SYT14: variants seen among roughly 807,000 people sequenced by gnomAD.
SYT14 encodes synaptotagmin 14, also known as synaptotagmin-14.
A neutral mutation model predicts 74.2 loss-of-function variants in SYT14; 32 were observed. That is an observed-to-expected ratio of 0.43 (90% confidence interval 0.33 to 0.58). The LOEUF (loss-of-function observed/expected upper bound fraction) is 0.58, where lower values mean the gene tolerates loss of function less well. SYT14 is among the 20% of genes least tolerant of loss of function. The pLI, the probability that SYT14 is intolerant of heterozygous loss-of-function variation, is 0.05. For synonymous variants in SYT14, 298 were observed against 337.7 expected, an observed-to-expected ratio of 0.88 and a Z score of 1.29; for missense variants, 791 against 981.8, an observed-to-expected ratio of 0.81 and a Z score of 2.60.
At chr1:210,098,783 C>T (rs556532825) in intron 6 of SYT14, among the ~76,000 whole-genome samples, 1 of 151,912 alleles carries the variant, frequency 6.6e-6, no homozygotes, top group South Asian at 2.1e-4. Context: ...CTGGCTCAAG[C>T]GATTCTCCTG....
chr1:210,018,203 G>A (rs547385596), intron 4 of SYT14, among the ~76,000 whole-genome samples: 1 of 152,252 alleles, frequency 6.6e-6, no homozygotes, highest in South Asian at 2.1e-4. Flanking sequence ...GTGCAATCTC[G>A]GCTCACTGCC....
At chr1:210,110,409 T>C (rs2082239866) in intron 7 of SYT14, among the ~76,000 whole-genome samples, 1 of 152,216 alleles carries the variant, frequency 6.6e-6, no homozygotes, top group Admixed American at 6.5e-5. Context: ...AAAATAGTTA[T>C]TCTTTTCCAC....
At chr1:210,142,418 C>T (rs1050206302) in intron 7 of SYT14, among the ~76,000 whole-genome samples, 2 of 152,092 alleles carry the variant, frequency 1.3e-5, no homozygotes, top group African/African-American at 4.8e-5. Flanking sequence ...TGCCAGTGTT[C>T]ATGTTGCTTT....
intron 2 of SYT14, among the ~76,000 whole-genome samples, chr1:210,000,475 C>G (rs937145147): frequency 1.3e-5 from 2 of 149,300 alleles, no homozygotes; most frequent in African/African-American, 5.1e-5. Flanking sequence ...CGCACACACA[C>G]ACACACACAC....
intron 5 of SYT14, among the ~76,000 whole-genome samples, chr1:210,030,919 TTTG>T (rs904593239): frequency 1.5e-5 from 1 of 66,520 alleles, no homozygotes; most frequent in Non-Finnish European, 4.3e-5. Flanking sequence ...TTTGTTTTGT[TTTG>T]TTTTGTTTTG....
intron 5 of SYT14, among the ~76,000 whole-genome samples, chr1:210,080,834 G>A (rs1412361242): frequency 6.6e-6 from 1 of 152,234 alleles, no homozygotes. Flanking sequence ...TGCATGCATA[G>A]ATGGATGTGT....
At chr1:209,952,815 A>G in intron 2 of SYT14, 59 bp downstream of exon 2, 1 of 1,467,888 alleles carries the variant, frequency 6.8e-7, no homozygotes, top group East Asian at 2.3e-5. Context: ...AAAGTGTATA[A>G]TAGATTTTAG....
At chr1:209,950,250 G>T (rs1422239303) in intron 1 of SYT14, among the ~76,000 whole-genome samples, 1 of 152,058 alleles carries the variant, frequency 6.6e-6, no homozygotes, top group African/African-American at 2.4e-5. Context: ...AATATGTATG[G>T]AGAATATTTC....
At chr1:209,938,684 C>T (rs1275407988) in intron 1 of SYT14, among the ~76,000 whole-genome samples, 2 of 152,100 alleles carry the variant, frequency 1.3e-5, no homozygotes, top group Non-Finnish European at 2.9e-5. Context: ...CTTTTCTTTC[C>T]CCGGCCGCGG....
At chr1:210,092,420 G>A (rs1377429588) in intron 5 of SYT14, among the ~76,000 whole-genome samples, 5 of 152,304 alleles carry the variant, frequency 3.3e-5, no homozygotes, top group South Asian at 4.1e-4. Context: ...AACTTTCCTG[G>A]AAGGTTCACT....
chr1:210,114,572 A>G (rs6662803), intron 7 of SYT14, among the ~76,000 whole-genome samples: 150,621 of 151,162 alleles, frequency 1, 75,059 homozygotes, highest in East Asian at 1. Context: ...GCTGTAAAGC[A>G]TCTAAGGGTT....
chr1:210,003,798 T>C (rs1029720418), intron 2 of SYT14, among the ~76,000 whole-genome samples: 1 of 152,168 alleles, frequency 6.6e-6, no homozygotes, highest in Non-Finnish European at 1.5e-5. Flanking sequence ...CAGTTTCCCT[T>C]TTAAAATGCA....
chr1:210,050,535 A>C (rs1422076314), intron 5 of SYT14, among the ~76,000 whole-genome samples: 1 of 152,092 alleles, frequency 6.6e-6, no homozygotes, highest in Non-Finnish European at 1.5e-5. Context: ...GCAGGACCCC[A>C]CTCTAACTGG....
rs945590528 is a variant in SYT14, at chr1:210,013,658, G to T, written c.-460G>T. Reference sequence around the variant, plus strand: ...TATCTCCAGAGGCAGTTGGATTTTTGTCAGCTGTTGGGGTGTTTATTATCT... The same window carrying T: ...TATCTCCAGAGGCAGTTGGATTTTTTTCAGCTGTTGGGGTGTTTATTATCT... On this transcript the variant is annotated 5_prime_UTR_variant, in exon 3 of 10. Transcript: ENST00000637265. 3 of 1,612,436 alleles carry T rather than the reference G, an allele frequency of 1.9e-6. No homozygotes were observed. In the African/African-American group the frequency reaches 4.0e-5, roughly 22 times the overall value.
At chr1:209,986,115 G>C (rs748262752) in intron 2 of SYT14, among the ~76,000 whole-genome samples, 4 of 152,202 alleles carry the variant, frequency 2.6e-5, no homozygotes, top group Admixed American at 2.0e-4. Flanking sequence ...TTGCTCCGCA[G>C]CCTGCTTAAA....
At chr1:210,060,513 C>G (rs562528609) in intron 5 of SYT14, among the ~76,000 whole-genome samples, 2 of 152,022 alleles carry the variant, frequency 1.3e-5, no homozygotes, top group Admixed American at 6.6e-5. Context: ...GTGCTTTGAA[C>G]TTTGGTGCTG....
chr1:210,040,216 C>A (rs1252809709), intron 5 of SYT14, among the ~76,000 whole-genome samples: 8 of 152,092 alleles, frequency 5.3e-5, no homozygotes, highest in African/African-American at 1.9e-4. Context: ...ATGTCCTTTG[C>A]AGGGACATGG....
At chr1:210,155,773 C>T (rs780912495) in exon 8 of SYT14, 5 of 1,613,960 alleles carry the variant, frequency 3.1e-6, no homozygotes, top group Non-Finnish European at 4.2e-6. Flanking sequence ...GAAAGTACAT[C>T]CTCATGTCAG....
intron 7 of SYT14, among the ~76,000 whole-genome samples, chr1:210,143,851 T>A (rs562266509): frequency 1.2e-4 from 19 of 152,008 alleles, no homozygotes; most frequent in Admixed American, 3.9e-4. Context: ...CTAACAAATC[T>A]TATTTTATAA....
Sources: allele counts gnomAD v4.1 joint callset (sites outside exome capture counted in the v4.1 genomes callset), GRCh38; gene constraint gnomAD v4.1.1; transcripts MANE v1.5; gene names NCBI Gene and HGNC (gene_info 2026-07-23, HGNC 2026-07-21).